Variants in APBA1 observed in about 807,000 individuals in gnomAD.
The protein encoded by APBA1 is amyloid beta precursor protein binding family A member 1.
Under a neutral mutation model 86.6 loss-of-function variants are expected in APBA1, and 55 were observed. The ratio of observed to expected loss-of-function variants is 0.64; its 90% confidence interval spans 0.51 to 0.80. The LOEUF (loss-of-function observed/expected upper bound fraction) is 0.80. Ranked by LOEUF, APBA1 falls within the 30% of genes least tolerant of loss-of-function variation. The pLI, the probability that APBA1 is intolerant of heterozygous loss-of-function variation, is 0.00. For synonymous variants in APBA1, 511 were observed against 493.9 expected (o/e 1.03, Z -0.46); for missense variants, 1,090 against 1,183.0 (o/e 0.92, Z 1.15).
At chr9:69,618,942 A>T (rs913805645) in intron 1 of APBA1, among the ~76,000 whole-genome samples, 1 of 152,194 alleles carries the variant, frequency 6.6e-6, no homozygotes, top group South Asian at 2.1e-4. Flanking sequence ...CAAAATAAGG[A>T]CAATATCTAC....
chr9:69,561,934 G>A (rs1836952587), intron 1 of APBA1, among the ~76,000 whole-genome samples: 2 of 151,892 alleles, frequency 1.3e-5, no homozygotes, highest in Admixed American at 1.3e-4. Context: ...GCTGTCTAGG[G>A]GATTTTTTAA....
chr9:69,618,648 A>G (rs1363125391), intron 1 of APBA1, among the ~76,000 whole-genome samples: 1 of 152,220 alleles, frequency 6.6e-6, no homozygotes, highest in African/African-American at 2.4e-5. Context: ...GGCACCAGGT[A>G]GGGCAGAACC....
intron 1 of APBA1, among the ~76,000 whole-genome samples, chr9:69,663,464 G>A (rs1488974169): frequency 1.3e-5 from 2 of 152,182 alleles, no homozygotes; most frequent in African/African-American, 2.4e-5. Flanking sequence ...TTCCTTAAAT[G>A]ACTCTAAGCT....
chr9:69,486,237 C>T (rs1835607578), intron 2 of APBA1, among the ~76,000 whole-genome samples: 1 of 152,092 alleles, frequency 6.6e-6, no homozygotes. Flanking sequence ...CAGGCATGAA[C>T]CACTGCCCCC....
chr9:69,491,974 A>G (rs1835720109), intron 2 of APBA1, among the ~76,000 whole-genome samples: 1 of 152,074 alleles, frequency 6.6e-6, no homozygotes, highest in South Asian at 2.1e-4. Context: ...CATGTTGGCC[A>G]GGATGGTCTC....
intron 2 of APBA1, among the ~76,000 whole-genome samples, chr9:69,481,652 C>T (rs1245954459): frequency 3.6e-4 from 54 of 150,340 alleles, no homozygotes; most frequent in African/African-American, 9.9e-4. Context: ...AAAAAGAGCC[C>T]GCATCGCCAA....
intron 5 of APBA1, chr9:69,464,452 C>T (rs1174863536): frequency 6.6e-6 from 1 of 152,140 alleles, no homozygotes; most frequent in Non-Finnish European, 1.5e-5. Context: ...AAAAATAAAT[C>T]TATGTTTTCC....
chr9:69,436,189 G>A lies in APBA1; in HGVS notation c.2302-3513C>T, dbSNP rs1274321297. ...CTGTTTTGGTTACTATAGCCTTGTAGTATAGTTTGAAGTCAGGTAGCGTGA... is the reference window on the plus strand; with the variant it reads ...CTGTTTTGGTTACTATAGCCTTGTAATATAGTTTGAAGTCAGGTAGCGTGA... On this transcript the variant is annotated intron_variant, in intron 11 of 12. Coordinates refer to ENST00000265381, the MANE Select transcript of APBA1 (RefSeq NM_001163.4). Among the ~76,000 whole-genome samples, 6 of 149,938 alleles carry A rather than the reference G, an allele frequency of 4.0e-5. 1 individual carries two copies. Among genetic ancestry groups the A allele is most frequent in the Admixed American group, 4.0e-4 (6 of 15,006 alleles).
chr9:69,538,076 A>G (rs1196449442), intron 1 of APBA1, among the ~76,000 whole-genome samples: 1 of 149,742 alleles, frequency 6.7e-6, no homozygotes, highest in Non-Finnish European at 1.5e-5. Flanking sequence ...AAATGCACTA[A>G]AAGACTTGCT....
At chr9:69,471,349 T>G (rs1835363189) in intron 4 of APBA1, among the ~76,000 whole-genome samples, 1 of 152,230 alleles carries the variant, frequency 6.6e-6, no homozygotes, top group Non-Finnish European at 1.5e-5. Context: ...AGAGACAGAA[T>G]AAGGAGACTT....
intron 2 of APBA1, among the ~76,000 whole-genome samples, chr9:69,508,974 T>G (rs200887846): frequency 0.012 from 1,627 of 132,828 alleles, no homozygotes; most frequent in East Asian, 0.056. Flanking sequence ...GCAGGAAAGA[T>G]CCAAAATTGA....
intron 6 of APBA1, among the ~76,000 whole-genome samples, chr9:69,457,773 G>A (rs1666480706): frequency 6.6e-6 from 1 of 152,116 alleles, no homozygotes; most frequent in African/African-American, 2.4e-5. Context: ...TACATGTGTG[G>A]TTATTAGCGA....
chr9:69,524,613 A>G lies in APBA1; in HGVS notation c.-69-7334T>C, dbSNP rs537246895. 9.2e-5 allele frequency among the ~76,000 whole-genome samples: 14 copies of G among 152,152 alleles called. No homozygotes were observed. The South Asian group carries it at 2.7e-3, about 29-fold the overall frequency. On this transcript the variant is annotated intron_variant, in intron 1 of 12. Transcript: ENST00000265381. Reference sequence around the variant, plus strand: ...AAAACAAAAACCTACCAACTGAAAAAAAAAACCCTGTAACAGATGGATTCA... The same window carrying G: ...AAAACAAAAACCTACCAACTGAAAAGAAAAACCCTGTAACAGATGGATTCA...
At chr9:69,540,420 C>T (rs573354450) in intron 1 of APBA1, among the ~76,000 whole-genome samples, 41 of 152,106 alleles carry the variant, frequency 2.7e-4, no homozygotes, top group Non-Finnish European at 1.3e-4. Flanking sequence ...TGTAACTGTA[C>T]AATAGAGTAC....
At chr9:69,598,166 C>CT (rs1822269988) in intron 1 of APBA1, among the ~76,000 whole-genome samples, 1 of 151,808 alleles carries the variant, frequency 6.6e-6, no homozygotes, top group Admixed American at 6.6e-5. Flanking sequence ...TCACCATTCT[C>CT]AGTAAGCTAT....
chr9:69,444,845 G>A (rs890139039), intron 10 of APBA1, among the ~76,000 whole-genome samples: 8 of 152,162 alleles, frequency 5.3e-5, no homozygotes, highest in Admixed American at 2.6e-4. Flanking sequence ...TCAGGGAAGC[G>A]CACCCTCTCC....
intron 5 of APBA1, among the ~76,000 whole-genome samples, chr9:69,465,731 T>A (rs1835267284): frequency 6.6e-6 from 1 of 152,180 alleles, no homozygotes; most frequent in South Asian, 2.1e-4. Context: ...TTGGGAGCCA[T>A]GGGGCAAGAC....
intron 1 of APBA1, among the ~76,000 whole-genome samples, chr9:69,543,652 A>G (rs1302400875): frequency 1.3e-5 from 2 of 152,172 alleles, no homozygotes; most frequent in African/African-American, 2.4e-5. Context: ...ACTAGTTGTT[A>G]TATTACCCAC....
In APBA1 at chr9:69,436,552, G is replaced by T. The variant is rs1471698185; in HGVS notation, c.2302-3876C>A. On this transcript the variant is annotated intron_variant, in intron 11 of 12. Transcript: ENST00000265381. The stretch of plus-strand genomic sequence containing the variant: ...TTCTCTTTGAAGCAATTGTGAATGG[G>T]AGTTCACTCATGATTTGGCTCTCTG... Among the ~76,000 whole-genome samples the T allele has an allele frequency of 6.0e-5, 8 of 133,084 alleles. No homozygotes were observed. In the East Asian group the frequency reaches 1.8e-3, roughly 29 times the overall value. 87.3% of individuals were successfully genotyped at this position (133,084 alleles called of 152,430 possible).
Sources: gnomAD v4.1 joint callset for allele counts (sites outside exome capture counted in the v4.1 genomes callset) on GRCh38, gnomAD v4.1.1 for gene constraint, MANE v1.5 for transcripts, NCBI Gene and HGNC (gene_info 2026-07-23, HGNC 2026-07-21) for gene names.